The following SOX5 variants were observed in gnomAD, a reference collection of about 807,000 sequenced individuals.
The protein encoded by SOX5 is SRY-box transcription factor 5, also known as transcription factor SOX-5.
SOX5 carries 9 observed loss-of-function variants against 92.0 expected under a neutral mutation model. That is an observed-to-expected ratio of 0.10 (90% confidence interval 0.06 to 0.17). The LOEUF is 0.17. Ranked by LOEUF, SOX5 falls within the 10% of genes least tolerant of loss-of-function variation. The pLI, the probability that SOX5 is intolerant of heterozygous loss-of-function variation, is 1.00. For synonymous variants in SOX5, 344 were observed against 336.3 expected (o/e 1.02, Z -0.25); for missense variants, 642 against 944.5 (o/e 0.68, Z 4.20).
At chr12:24,079,429 C>T (rs1473536403) in intron 4 of SOX5, among the ~76,000 whole-genome samples, 1 of 151,838 alleles carries the variant, frequency 6.6e-6, no homozygotes, top group South Asian at 2.1e-4. Flanking sequence ...TTCCAAGGAC[C>T]TACAAAATGT....
At chr12:23,855,684 G>A (rs969213384) in intron 2 of SOX5, among the ~76,000 whole-genome samples, 1 of 151,988 alleles carries the variant, frequency 6.6e-6, no homozygotes, top group Non-Finnish European at 1.5e-5. Context: ...ATAGTAATAC[G>A]AGGAAGGATA....
intron 2 of SOX5, among the ~76,000 whole-genome samples, chr12:24,277,471 A>AT (rs1944583741): frequency 3.4e-5 from 2 of 58,882 alleles, no homozygotes; most frequent in South Asian, 1.6e-3. Context: ...TTTACATTTA[A>AT]ATATATAAAT....
At chr12:23,645,533 C>T (rs1194116155) in intron 7 of SOX5, among the ~76,000 whole-genome samples, 1 of 152,142 alleles carries the variant, frequency 6.6e-6, no homozygotes, top group Admixed American at 6.5e-5. Flanking sequence ...GAGACAAAGA[C>T]GTATTCCTAA....
chr12:24,108,034 T>C (rs1276992257), intron 4 of SOX5, among the ~76,000 whole-genome samples: 1 of 152,180 alleles, frequency 6.6e-6, no homozygotes, highest in Non-Finnish European at 1.5e-5. Context: ...AAATTGGAAA[T>C]ATTAAAGAGA....
intron 2 of SOX5, among the ~76,000 whole-genome samples, chr12:24,322,671 TGAC>T (rs1265197719): frequency 6.6e-6 from 1 of 152,166 alleles, no homozygotes; most frequent in African/African-American, 2.4e-5. Flanking sequence ...GTTATACCTT[TGAC>T]AACAAGTTAA....
At chr12:23,953,020 T>C (rs925174876), upstream of SOX5, among the ~76,000 whole-genome samples, 2 of 152,154 alleles carry the variant, frequency 1.3e-5, no homozygotes, top group African/African-American at 4.8e-5. Context: ...AGGTAATTGT[T>C]ATAAAAAATA....
chr12:23,603,445 A>AATATATATAT (rs72370535), intron 9 of SOX5, among the ~76,000 whole-genome samples: 2 of 124,854 alleles, frequency 1.6e-5, no homozygotes, highest in Non-Finnish European at 1.8e-5. Context: ...ATATATATAA[A>AATATATATAT]ATATATATAT....
intron 1 of SOX5, among the ~76,000 whole-genome samples, chr12:24,531,423 G>T (rs1457355742): frequency 6.6e-6 from 1 of 152,058 alleles, no homozygotes; most frequent in East Asian, 1.9e-4. Flanking sequence ...ACACATTTTT[G>T]CATGTCAGTT....
intron 6 of SOX5, among the ~76,000 whole-genome samples, chr12:23,731,466 G>C (rs2093390317): frequency 6.6e-6 from 1 of 152,114 alleles, no homozygotes; most frequent in Admixed American, 6.6e-5. Context: ...TGGGGTATTA[G>C]AGTATGTAAA....
chr12:24,318,676 G>A (rs1368152001), intron 2 of SOX5, among the ~76,000 whole-genome samples: 1 of 152,068 alleles, frequency 6.6e-6, no homozygotes, highest in Non-Finnish European at 1.5e-5. Context: ...AAATAATAAT[G>A]GTACCCAACT....
chr12:24,326,791 T>TACACACACAC (rs10527019), intron 2 of SOX5, among the ~76,000 whole-genome samples: 33,348 of 148,698 alleles, frequency 0.22, 4,051 homozygotes, highest in East Asian at 0.51. Flanking sequence ...TACACACACA[T>TACACACACAC]ACACACACAC....
chr12:24,259,142 G>A (rs1565772002), intron 3 of SOX5, among the ~76,000 whole-genome samples: 1 of 152,176 alleles, frequency 6.6e-6, no homozygotes, highest in African/African-American at 2.4e-5. Flanking sequence ...AAAATGTGCT[G>A]AACATCTTAG....
chr12:24,438,254 G>A (rs576886582), intron 1 of SOX5, among the ~76,000 whole-genome samples: 3 of 152,216 alleles, frequency 2.0e-5, no homozygotes, highest in East Asian at 3.9e-4. Flanking sequence ...GACACAGGGA[G>A]GGGAACATCA....
rs1296068514 is a variant in SOX5, at chr12:23,529,783, ACTT to A, written c.*4433_*4435del. The A allele has an allele frequency of 1.3e-5, 2 of 152,210 alleles. No individual in the cohort carries two copies. The allele number at this position is 152,210 out of a possible 1,614,324, so 9.4% of individuals were successfully genotyped here. ...AACTCTATGTTATATTTACATAATT[ACTT>A]ATTATTTTATTAAATTTCAAGTGAG... On this transcript the variant is annotated 3_prime_UTR_variant, in exon 15 of 15. Transcript: ENST00000451604.
At chr12:23,860,458 T>C (rs1010943616) in intron 2 of SOX5, among the ~76,000 whole-genome samples, 47 of 152,190 alleles carry the variant, frequency 3.1e-4, no homozygotes, top group Admixed American at 2.5e-3. Flanking sequence ...GATTATGGTA[T>C]TGACAAAAAC....
At chr12:24,092,131 A>G (rs1944729816) in intron 4 of SOX5, among the ~76,000 whole-genome samples, 1 of 152,228 alleles carries the variant, frequency 6.6e-6, no homozygotes, top group Non-Finnish European at 1.5e-5. Flanking sequence ...TTTGACCTCA[A>G]GAACATCAGT....
At chr12:23,715,667 C>T (rs1197049538) in intron 6 of SOX5, among the ~76,000 whole-genome samples, 3 of 152,220 alleles carry the variant, frequency 2.0e-5, no homozygotes, top group African/African-American at 7.2e-5. Flanking sequence ...GGAGGCAAGA[C>T]GCCAGTTGTG....
intron 4 of SOX5, among the ~76,000 whole-genome samples, chr12:24,103,256 GA>G (rs1462532177): frequency 2.0e-5 from 3 of 152,118 alleles, no homozygotes; most frequent in Non-Finnish European, 2.9e-5. Flanking sequence ...TTTTGTTTAA[GA>G]AAAGGCTAAA....
chr12:23,951,679 T>C (rs1439009345), upstream of SOX5, among the ~76,000 whole-genome samples: 1 of 152,004 alleles, frequency 6.6e-6, no homozygotes, highest in African/African-American at 2.4e-5. Flanking sequence ...ACAAAATCAA[T>C]GTGGAATAAG....
Sources: allele counts gnomAD v4.1 joint callset (sites outside exome capture counted in the v4.1 genomes callset), GRCh38; gene constraint gnomAD v4.1.1; transcripts MANE v1.5; gene names NCBI Gene and HGNC (gene_info 2026-07-23, HGNC 2026-07-21).